PTPRD: variants seen among roughly 807,000 people sequenced by gnomAD.
PTPRD encodes the protein protein tyrosine phosphatase receptor type D, also known as receptor-type tyrosine-protein phosphatase delta.
In PTPRD, 34 loss-of-function variants were observed where a neutral mutation model predicts 214.5. That is an observed-to-expected ratio of 0.16 (90% CI 0.12 to 0.21). The LOEUF (loss-of-function observed/expected upper bound fraction) is 0.21. Among genes scored for constraint, PTPRD ranks in the 10% least tolerant of loss-of-function variants. PTPRD has a pLI of 1.00. For synonymous variants in PTPRD, 1,128 were observed against 845.7 expected, an observed-to-expected ratio of 1.33 and a Z score of -5.79; for missense variants, 2,545 against 2,398.7, an observed-to-expected ratio of 1.06 and a Z score of -1.27.
In PTPRD at chr9:9,000,781, G is replaced by T. The variant is rs558870070; in HGVS notation, c.-104+17916C>A. Among the ~76,000 whole-genome samples the T allele has an allele frequency of 2.6e-5, 4 of 151,894 alleles. No individual in the cohort carries two copies. The South Asian group carries it at 8.3e-4, about 32-fold the overall frequency. ...ATATCACATAGAACAATTTAATATG[G>T]GTGTATTATGAAGAAAGCTTAACCT... is the stretch of plus-strand genomic sequence containing the variant. On this transcript the variant is annotated intron_variant, in intron 11 of 45. Coordinates refer to ENST00000381196, the MANE Select transcript of PTPRD (RefSeq NM_002839.4).
chr9:10,313,968 T>G (rs2154420085), intron 3 of PTPRD, among the ~76,000 whole-genome samples: 1 of 152,012 alleles, frequency 6.6e-6, no homozygotes, highest in Non-Finnish European at 1.5e-5. Context: ...TTCAACTTCA[T>G]GGAGGTAGTG....
intron 9 of PTPRD, among the ~76,000 whole-genome samples, chr9:9,392,703 T>C (rs1400921528): frequency 6.6e-6 from 1 of 152,188 alleles, no homozygotes; most frequent in East Asian, 1.9e-4. Context: ...TTTTCTATAA[T>C]GCATTTCTTC....
At chr9:9,508,017 A>G (rs1007920456) in intron 8 of PTPRD, among the ~76,000 whole-genome samples, 2 of 151,490 alleles carry the variant, frequency 1.3e-5, no homozygotes, top group Non-Finnish European at 3.0e-5. Context: ...ATCACACATA[A>G]AATTCTCAAT....
chr9:10,451,454 G>A (rs895172983), intron 2 of PTPRD, among the ~76,000 whole-genome samples: 1 of 151,524 alleles, frequency 6.6e-6, no homozygotes, highest in Non-Finnish European at 1.5e-5. Context: ...TATTGTGGAT[G>A]AGATCCTTAA....
At chr9:10,265,413 ATGAG>A (rs1352277473) in intron 3 of PTPRD, among the ~76,000 whole-genome samples, 1 of 152,232 alleles carries the variant, frequency 6.6e-6, no homozygotes, top group Non-Finnish European at 1.5e-5. Flanking sequence ...CCGTAGCCAC[ATGAG>A]TGAGTCCAGG....
chr9:8,662,934 C>T (rs1165251259), intron 12 of PTPRD, among the ~76,000 whole-genome samples: 13 of 152,018 alleles, frequency 8.6e-5, no homozygotes, highest in Non-Finnish European at 7.4e-5. Context: ...TATCTAAAGT[C>T]AGTAGAGACA....
At position 8,525,017 on chromosome 9, in the gene PTPRD, T is replaced by C; in HGVS notation, c.587A>G (p.Gln196Arg). Reference sequence around the variant, plus strand: ...TTTTCCTTGGTCAGACTCTTCACTCTGCTCAATCTGAAGGGCTCCTGTATG... The same window carrying C: ...TTTTCCTTGGTCAGACTCTTCACTCCGCTCAATCTGAAGGGCTCCTGTATG... Reference protein sequence around the residue: ...TPIRGALQIEQSEESDQGKYE... With the variant: ...TPIRGALQIERSEESDQGKYE... The change falls in exon 18 of 46, where the codon CAG becomes CGG. Residue 196 changes from glutamine to arginine, a missense_variant. Transcript: ENST00000381196. The C allele has an allele frequency of 1.9e-6, 3 of 1,613,582 alleles. No individual in the cohort carries two copies. Among genetic ancestry groups the C allele is most frequent in the Non-Finnish European group, 2.5e-6 (3 of 1,179,604 alleles).
At chr9:8,560,764 T>C (rs914451499) in intron 14 of PTPRD, among the ~76,000 whole-genome samples, 1 of 152,118 alleles carries the variant, frequency 6.6e-6, no homozygotes, top group Non-Finnish European at 1.5e-5. Context: ...ATAAGGAGCA[T>C]AAAATGTTCT....
At chr9:9,938,655 G>A (rs929846563) in intron 4 of PTPRD, 45 bp from the exon 5 acceptor site, 1 of 152,048 alleles carries the variant, frequency 6.6e-6, no homozygotes, top group Admixed American at 6.6e-5. Flanking sequence ...GTTCCTTGAA[G>A]CACAATAAGA....
chr9:9,539,429 T>G (rs1295021569), intron 8 of PTPRD, among the ~76,000 whole-genome samples: 1 of 151,884 alleles, frequency 6.6e-6, no homozygotes, highest in Non-Finnish European at 1.5e-5. Flanking sequence ...AAGACTTAAC[T>G]TACCTGGACC....
chr9:9,582,767 G>C (rs1378244413), intron 7 of PTPRD, among the ~76,000 whole-genome samples: 1 of 151,888 alleles, frequency 6.6e-6, no homozygotes. Context: ...AAATTTGTCT[G>C]AATTTCTGAA....
At chr9:9,345,683 G>A (rs539371628) in intron 9 of PTPRD, among the ~76,000 whole-genome samples, 10 of 152,102 alleles carry the variant, frequency 6.6e-5, no homozygotes, top group African/African-American at 2.4e-4. Context: ...TTATCTAGAT[G>A]CAAATCCTGA....
chr9:9,670,069 A>G (rs767722043), intron 7 of PTPRD, among the ~76,000 whole-genome samples: 4 of 152,188 alleles, frequency 2.6e-5, no homozygotes, highest in Non-Finnish European at 4.4e-5. Flanking sequence ...TTGGAGTAAT[A>G]TTTGGCAGAT....
intron 45 of PTPRD, among the ~76,000 whole-genome samples, chr9:8,319,188 G>C (rs993427430): frequency 1.3e-5 from 2 of 152,028 alleles, no homozygotes; most frequent in African/African-American, 4.8e-5. Context: ...CATATAAGTT[G>C]TATAATTTGG....
At chr9:10,202,893 C>T (rs1190210999) in intron 3 of PTPRD, among the ~76,000 whole-genome samples, 1 of 151,644 alleles carries the variant, frequency 6.6e-6, no homozygotes, top group Non-Finnish European at 1.5e-5. Flanking sequence ...GAAGCAGGCC[C>T]TTACCAGACA....
chr9:8,459,981 G>A (rs775705039), intron 33 of PTPRD, among the ~76,000 whole-genome samples: 19 of 151,862 alleles, frequency 1.3e-4, no homozygotes, highest in Admixed American at 9.2e-4. Flanking sequence ...CAACACTTGC[G>A]CAAATTAGAA....
At chr9:9,926,143 C>T (rs2890894) in intron 5 of PTPRD, among the ~76,000 whole-genome samples, 28,335 of 151,998 alleles carry the variant, frequency 0.19, 5,949 homozygotes, top group African/African-American at 0.49. Context: ...TTCTCTTATA[C>T]GTTCCAGGCT....
intron 36 of PTPRD, among the ~76,000 whole-genome samples, chr9:8,395,440 C>A (rs747929858): frequency 6.6e-6 from 1 of 151,530 alleles, no homozygotes; most frequent in Non-Finnish European, 1.5e-5. Flanking sequence ...CTAAAGGACA[C>A]AGGCCTTTCC....
At chr9:9,752,795 T>C (rs2098533974) in intron 6 of PTPRD, among the ~76,000 whole-genome samples, 1 of 152,026 alleles carries the variant, frequency 6.6e-6, no homozygotes, top group Non-Finnish European at 1.5e-5. Flanking sequence ...AAATATGGCC[T>C]GGCACGACCT....
Sources: gnomAD v4.1 joint callset for allele counts (sites outside exome capture counted in the v4.1 genomes callset) on GRCh38, gnomAD v4.1.1 for gene constraint, MANE v1.5 for transcripts, NCBI Gene and HGNC (gene_info 2026-07-23, HGNC 2026-07-21) for gene names.